Variants in PIGL observed in about 807,000 individuals in gnomAD.
PIGL encodes the protein N-acetylglucosaminyl-phosphatidylinositol de-N-acetylase.
PIGL carries 22 observed loss-of-function variants against 31.1 expected under a neutral mutation model. The observed-to-expected ratio is 0.71, with a 90% CI of 0.51 to 1.01. The LOEUF (loss-of-function observed/expected upper bound fraction) is 1.01. Ranked by LOEUF, PIGL falls within the 50% of genes least tolerant of loss-of-function variation. The pLI is 0.00. For synonymous variants in PIGL, 131 were observed against 117.4 expected (o/e 1.12, Z -0.75); for missense variants, 302 against 315.9 (o/e 0.96, Z 0.33).
chr17:16,308,718 T>A (rs1389059235), intron 3 of PIGL, among the ~76,000 whole-genome samples: 1 of 148,516 alleles, frequency 6.7e-6, no homozygotes, highest in Non-Finnish European at 1.5e-5. Flanking sequence ...ACTAAAAATT[T>A]AAAAAATTAG....
intron 2 of PIGL, among the ~76,000 whole-genome samples, chr17:16,248,714 T>C (rs1048879218): frequency 6.6e-6 from 1 of 152,206 alleles, no homozygotes; most frequent in Non-Finnish European, 1.5e-5. Flanking sequence ...TCCTCCAACC[T>C]CTACCCATTA....
chr17:16,223,987 C>T (rs563755361), intron 1 of PIGL, among the ~76,000 whole-genome samples: 2 of 152,192 alleles, frequency 1.3e-5, no homozygotes, highest in East Asian at 1.9e-4. Context: ...GAGACAGAGA[C>T]GGGTGGATCA....
At chr17:16,273,130 C>T (rs963725295) in intron 2 of PIGL, among the ~76,000 whole-genome samples, 2 of 152,110 alleles carry the variant, frequency 1.3e-5, no homozygotes, top group African/African-American at 4.8e-5. Context: ...AAGTCCTTGC[C>T]CTCAAGGAGC....
chr17:16,293,360 T>C (rs1425955292), intron 2 of PIGL, among the ~76,000 whole-genome samples: 1 of 152,160 alleles, frequency 6.6e-6, no homozygotes, highest in Non-Finnish European at 1.5e-5. Flanking sequence ...CCGTCTCTAC[T>C]AAAAATCCAA....
At chr17:16,256,414 T>G (rs2092793719) in intron 2 of PIGL, among the ~76,000 whole-genome samples, 1 of 152,182 alleles carries the variant, frequency 6.6e-6, no homozygotes, top group African/African-American at 2.4e-5. Flanking sequence ...CTCGGCTCAC[T>G]GCAACCTCCA....
intron 2 of PIGL, among the ~76,000 whole-genome samples, chr17:16,270,131 T>C (rs2092864459): frequency 1.3e-5 from 2 of 151,758 alleles, no homozygotes; most frequent in Non-Finnish European, 2.9e-5. Context: ...CTACTAAAAA[T>C]ACAAAAAATT....
chr17:16,253,428 T>C (rs918340165), intron 2 of PIGL, among the ~76,000 whole-genome samples: 2 of 152,206 alleles, frequency 1.3e-5, no homozygotes, highest in African/African-American at 4.8e-5. Flanking sequence ...AGGTGATGGA[T>C]ATGATAAATA....
intron 3 of PIGL, among the ~76,000 whole-genome samples, chr17:16,306,018 G>A (rs756447896): frequency 3.3e-5 from 5 of 151,996 alleles, no homozygotes; most frequent in African/African-American, 7.2e-5. Flanking sequence ...GCACGATCTC[G>A]GCTGACTTCA....
intron 1 of PIGL, among the ~76,000 whole-genome samples, chr17:16,233,453 A>G (rs931387969): frequency 1.3e-5 from 2 of 151,898 alleles, no homozygotes; most frequent in African/African-American, 4.8e-5. Flanking sequence ...AAACTCTTCA[A>G]AAGAGGAAGC....
intron 2 of PIGL, among the ~76,000 whole-genome samples, chr17:16,235,638 G>A (rs764013451): frequency 9.9e-5 from 15 of 151,288 alleles, no homozygotes; most frequent in South Asian, 2.1e-4. Context: ...AGTAGAGATG[G>A]GGTTTCACCA....
chr17:16,287,240 G>C (rs1440883554), intron 2 of PIGL, among the ~76,000 whole-genome samples: 1 of 152,220 alleles, frequency 6.6e-6, no homozygotes, highest in Non-Finnish European at 1.5e-5. Context: ...GCGATTGCCC[G>C]GGGGTCCCCA....
chr17:16,273,269 A>G (rs2092879955), intron 2 of PIGL, among the ~76,000 whole-genome samples: 1 of 152,174 alleles, frequency 6.6e-6, no homozygotes, highest in African/African-American at 2.4e-5. Context: ...GCTTTAAGAG[A>G]CAAGTAGGAA....
At chr17:16,217,622 C>CA in intron 1 of PIGL, 161 bp downstream of exon 1, 2 of 597,630 alleles carry the variant, frequency 3.3e-6, no homozygotes, top group Admixed American at 3.1e-5. Context: ...ACAGGAGCGG[C>CA]CGGCTTACCT....
At chr17:16,226,526 T>A (rs2092652973) in intron 1 of PIGL, among the ~76,000 whole-genome samples, 1 of 152,192 alleles carries the variant, frequency 6.6e-6, no homozygotes, top group Non-Finnish European at 1.5e-5. Flanking sequence ...GAGAATTAGA[T>A]TCCACCTCCT....
At chr17:16,291,367 C>T (rs537257032) in intron 2 of PIGL, among the ~76,000 whole-genome samples, 3 of 149,534 alleles carry the variant, frequency 2.0e-5, no homozygotes, top group Non-Finnish European at 3.0e-5. Flanking sequence ...ATTAGTCGAG[C>T]GTGGTGGCGG....
intron 1 of PIGL, among the ~76,000 whole-genome samples, chr17:16,220,477 G>GTT (rs1171079537): frequency 2.9e-5 from 2 of 70,054 alleles, no homozygotes; most frequent in African/African-American, 1.0e-4. Context: ...TTTTTAAATT[G>GTT]TTATTTTTTT....
Position 16,221,104 on chromosome 17 carries a change from A to G in PIGL, c.235+3643A>G, listed in dbSNP as rs546866522. The stretch of plus-strand genomic sequence containing the variant: ...AAATGATAAGTTGGATTCAGAGGAA[A>G]TAATGAAAGACAATAAAAACATTGA... On this transcript the variant is annotated intron_variant, in intron 1 of 6. Coordinates refer to ENST00000225609, the MANE Select transcript of PIGL (RefSeq NM_004278.4). Among the ~76,000 whole-genome samples the G allele has an allele frequency of 3.9e-5, 6 of 152,338 alleles. No individual in the cohort carries two copies. In the South Asian group the frequency reaches 1.0e-3, roughly 26 times the overall value.
chr17:16,234,189 G>A, intron 2 of PIGL, 119 bp downstream of exon 2: 1 of 632,994 alleles, frequency 1.6e-6, no homozygotes, highest in South Asian at 2.0e-5. Flanking sequence ...AAAGTCTAGG[G>A]CTCGGTGCCA....
intron 2 of PIGL, among the ~76,000 whole-genome samples, chr17:16,281,204 C>G (rs1179522770): frequency 6.6e-6 from 1 of 152,184 alleles, no homozygotes; most frequent in Non-Finnish European, 1.5e-5. Context: ...AATTTAGCCA[C>G]AGACTCTCAG....
Sources: allele counts gnomAD v4.1 joint callset (sites outside exome capture counted in the v4.1 genomes callset), GRCh38; gene constraint gnomAD v4.1.1; transcripts MANE v1.5; gene names NCBI Gene and HGNC (gene_info 2026-07-23, HGNC 2026-07-21).